Variants in AKT2 observed in about 807,000 individuals in gnomAD.
AKT2 encodes the protein RAC-beta serine/threonine-protein kinase.
In AKT2, 16 loss-of-function variants were observed where a neutral mutation model predicts 58.6. The ratio of observed to expected loss-of-function variants is 0.27; its 90% CI spans 0.18 to 0.41. The LOEUF is 0.41. Ranked by LOEUF, AKT2 falls within the 10% of genes least tolerant of loss-of-function variation. AKT2 has a pLI of 1.00. For synonymous variants in AKT2, 253 were observed against 254.0 expected, an observed-to-expected ratio of 1.00 and a Z score of 0.04; for missense variants, 438 against 661.0, an observed-to-expected ratio of 0.66 and a Z score of 3.70.
At chr19:40,274,101 C>T (rs2077267384) in intron 1 of AKT2, 1 of 152,678 alleles carries the variant, frequency 6.5e-6, no homozygotes, top group South Asian at 2.1e-4. Context: ...CTGACCACCC[C>T]TCTCCCACGA....
chr19:40,237,926 T>C lies in AKT2; in HGVS notation c.831+43A>G. 6.2e-7 allele frequency: 1 copy of C among 1,609,820 alleles called. No homozygotes were observed. ...CTTCCCCAGTGTGAGTCCCATGTGG[T>C]GTGCATGCCACAGGTCAGCCTGGCG... On this transcript the variant is annotated intron_variant, in intron 9 of 13. Coordinates refer to ENST00000392038, the MANE Select transcript of AKT2 (RefSeq NM_001626.6). The surrounding 1 kb of genome is among the most constrained non-coding windows in gnomAD (Gnocchi z 4.5).
At chr19:40,282,911 C>A in intron 1 of AKT2, 1 of 178,432 alleles carries the variant, frequency 5.6e-6, no homozygotes, top group African/African-American at 2.4e-5. Context: ...CAAGGGCTCA[C>A]ATCACACCTC....
chr19:40,260,676 T>A (rs1335090005), intron 2 of AKT2, among the ~76,000 whole-genome samples: 1 of 141,232 alleles, frequency 7.1e-6, no homozygotes, highest in Non-Finnish European at 1.5e-5. Context: ...CATCCCAATG[T>A]CCATCAACAA....
At chr19:40,257,758 A>C (rs1975644978) in intron 2 of AKT2, among the ~76,000 whole-genome samples, 1 of 152,240 alleles carries the variant, frequency 6.6e-6, no homozygotes, top group Non-Finnish European at 1.5e-5. Context: ...GTCCATCAAC[A>C]ACGAATGGAT....
chr19:40,243,896 T>C (rs183850432), intron 4 of AKT2: 12 of 151,076 alleles, frequency 7.9e-5, no homozygotes, highest in African/African-American at 2.9e-4. Flanking sequence ...TACAAAAAAT[T>C]AGCCGGGCGT....
intron 1 of AKT2, among the ~76,000 whole-genome samples, chr19:40,267,692 G>A (rs1287430532): frequency 6.6e-6 from 1 of 152,130 alleles, no homozygotes; most frequent in Admixed American, 6.5e-5. Context: ...ACACAGCCAG[G>A]GACACACTAC....
chr19:40,251,062 G>A (rs1194106061), intron 4 of AKT2, among the ~76,000 whole-genome samples: 1 of 152,004 alleles, frequency 6.6e-6, no homozygotes, highest in African/African-American at 2.4e-5. Flanking sequence ...AAATTCGCCA[G>A]GCATGGTGGT....
intron 4 of AKT2, chr19:40,243,197 T>C (rs1974521303): frequency 6.2e-6 from 1 of 162,112 alleles, no homozygotes; most frequent in South Asian, 1.6e-4. Flanking sequence ...TAAAGTGACC[T>C]GGCCTGAGGG....
intron 2 of AKT2, among the ~76,000 whole-genome samples, chr19:40,261,273 C>T (rs1234016074): frequency 1.3e-5 from 2 of 152,208 alleles, no homozygotes; most frequent in Non-Finnish European, 2.9e-5. Flanking sequence ...TGGCTCACGC[C>T]TGTAATCCCA....
rs914159580 is a variant in AKT2 at position 40,231,388 on chromosome 19, C to T, written c.*2484G>A. Reference sequence around the variant, plus strand: ...CATAGGCCTGCCTATTTTATGACCACCAGGGTAGACTTTTGTAATTAAATT... The same window carrying T: ...CATAGGCCTGCCTATTTTATGACCATCAGGGTAGACTTTTGTAATTAAATT... On this transcript the variant is annotated 3_prime_UTR_variant, in exon 14 of 14. Coordinates refer to ENST00000392038, the MANE Select transcript of AKT2 (RefSeq NM_001626.6). The T allele has an allele frequency of 1.5e-4, 34 of 233,084 alleles. 1 individual carries two copies. The highest frequency in any genetic ancestry group is 7.5e-4 in the African/African-American group (34 of 45,326). 14.4% of individuals were successfully genotyped at this position (233,084 alleles called of 1,614,324 possible).
chr19:40,234,905 G>C lies in AKT2; in HGVS notation c.1366+140C>G. ...TCCAAAGAGGACCAACAGCAAAAGG[G>C]CCTGAGAGCAGACTTGGGGAAATCT... On this transcript the variant is annotated intron_variant, in intron 13 of 13. Transcript: ENST00000392038. The surrounding 1 kb of genome is among the most constrained non-coding windows in gnomAD (Gnocchi z 4.7). The C allele has an allele frequency of 1.2e-6, 1 of 821,964 alleles. No individual in the cohort carries two copies. The highest frequency in any genetic ancestry group is 1.4e-5 in the South Asian group (1 of 70,020). The allele number at this position is 821,964 out of a possible 1,614,324, so 50.9% of individuals were successfully genotyped here. A position where few individuals can be genotyped will look rare whatever the true frequency, so the allele number is the denominator to read the frequency against.
chr19:40,273,294 T>C lies in AKT2; in HGVS notation c.-84-7943A>G, dbSNP rs539605927. On this transcript the variant is annotated intron_variant, in intron 1 of 13. Transcript: ENST00000392038. ...AGGCAGAGGTTGGAGTAAGCAGAGA[T>C]TGCACCACTGCACTCCAGCCTGAGG... Among the ~76,000 whole-genome samples the C allele has an allele frequency of 5.3e-5, 8 of 151,306 alleles. No individual in the cohort carries two copies. The South Asian group carries it at 1.0e-3, about 20-fold the overall frequency.
intron 4 of AKT2, chr19:40,244,092 T>TAATAAA (rs1555769869): frequency 3.3e-4 from 44 of 134,212 alleles, no homozygotes; most frequent in African/African-American, 1.0e-3. Context: ...ATAATAATAA[T>TAATAAA]AAAATAAAGA....
intron 4 of AKT2, 84 bp downstream of exon 4, chr19:40,255,074 G>T: frequency 8.7e-7 from 1 of 1,143,154 alleles, no homozygotes; most frequent in Middle Eastern, 1.9e-4. Flanking sequence ...TAGGGTCCCA[G>T]GGAAAATCTC....
chr19:40,265,178 C>G (rs1321063506), intron 2 of AKT2, 44 bp downstream of exon 2: 1 of 1,601,238 alleles, frequency 6.2e-7, no homozygotes, highest in Non-Finnish European at 8.5e-7. Flanking sequence ...CCAGGAGGAG[C>G]CAGCGTGGGA....
chr19:40,244,526 T>C (rs888926521), intron 4 of AKT2: 2 of 152,176 alleles, frequency 1.3e-5, no homozygotes, highest in Admixed American at 6.5e-5. Context: ...TTACACCAAA[T>C]TGTCCACATC....
chr19:40,250,241 G>A (rs1453383744), intron 4 of AKT2, among the ~76,000 whole-genome samples: 4 of 152,130 alleles, frequency 2.6e-5, no homozygotes, highest in Non-Finnish European at 4.4e-5. Context: ...GGTGGCTCAC[G>A]CTTGTAATCC....
rs543637981 is a variant in AKT2 at position 40,242,738 on chromosome 19, A to C, written c.288-51T>G. On this transcript the variant is annotated intron_variant, in intron 4 of 13. Coordinates refer to ENST00000392038, the MANE Select transcript of AKT2 (RefSeq NM_001626.6). This position sits in a 1 kb window ranked among gnomAD's most constrained non-coding sequence, Gnocchi z 4.3. ...AGCAGCCAGGAGTCCTGGGCCTCAG[A>C]GTCGAACAGCTGAGTGCCACCTCCC... 5.0e-6 allele frequency: 8 copies of C among 1,598,290 alleles called. No individual in the cohort carries two copies. The African/African-American group carries it at 9.4e-5, about 19-fold the overall frequency.
intron 6 of AKT2, chr19:40,241,593 C>T (rs1026772191): frequency 2.6e-4 from 89 of 341,324 alleles, no homozygotes; most frequent in Non-Finnish European, 1.6e-4. Context: ...ACTCCTGGCC[C>T]GGCCTCCACC....
Sources: allele counts gnomAD v4.1 joint callset (sites outside exome capture counted in the v4.1 genomes callset), GRCh38; gene constraint gnomAD v4.1.1; non-coding constraint Gnocchi (gnomAD v3.1); transcripts MANE v1.5; gene names NCBI Gene and HGNC (gene_info 2026-07-23, HGNC 2026-07-21).